MVP: variants seen among roughly 807,000 people sequenced by gnomAD.
MVP encodes lung resistance-related protein.
A neutral mutation model predicts 83.5 loss-of-function variants in MVP; 62 were observed. The observed-to-expected ratio is 0.74, with a 90% CI of 0.61 to 0.92. The LOEUF is 0.92. Ranked by LOEUF, MVP falls within the 40% of genes least tolerant of loss-of-function variation. The probability of loss-of-function intolerance (pLI) is 0.00; values close to 1 mark genes in which losing one functional copy is unlikely to be tolerated. For missense variants in MVP, 1,000 were observed against 1,203.4 expected (o/e 0.83, Z 2.50); for synonymous variants, 505 against 504.1 (o/e 1.00, Z -0.02).
Position 29,848,021 on chromosome 16 carries a change from A to T in MVP, c.*32A>T, listed in dbSNP as rs184277227. On this transcript the variant is annotated 3_prime_UTR_variant, in exon 15 of 15. Transcript: ENST00000357402. ...ATTAATACAATGGAAGTTTCTGGGCATTTACAATTTCAACACTTTTCTCTT... is the reference window on the plus strand; with the variant it reads ...ATTAATACAATGGAAGTTTCTGGGCTTTTACAATTTCAACACTTTTCTCTT... 3.8e-6 allele frequency: 6 copies of T among 1,595,440 alleles called. No homozygotes were observed. The African/African-American group carries it at 6.7e-5, about 18-fold the overall frequency.
At chr16:29,829,606 T>C (rs2067427342) in intron 1 of MVP, 1 of 152,236 alleles carries the variant, frequency 6.6e-6, no homozygotes, top group Non-Finnish European at 1.5e-5. Flanking sequence ...AGGTAGGGCA[T>C]GTGACATTCC....
rs1429565226 is a variant in MVP at position 29,846,290 on chromosome 16, TG to T, written c.2265+12del. On this transcript the variant is annotated splice_region_variant and intron_variant, in intron 13 of 14. Transcript: ENST00000357402. ...AGGCCTTGGCCATTGAAACGGTGAGTGGGGGGAGGCATTAAGAAGAGGGTGG... is the reference window on the plus strand; with the variant it reads ...AGGCCTTGGCCATTGAAACGGTGAGTGGGGGAGGCATTAAGAAGAGGGTGG... 5.1e-6 allele frequency: 8 copies of T among 1,554,854 alleles called. No homozygotes were observed. Among genetic ancestry groups the T allele is most frequent in the Admixed American group, 2.0e-5 (1 of 51,250 alleles).
At chr16:29,824,602 C>T (rs1392909565) in intron 1 of MVP, among the ~76,000 whole-genome samples, 3 of 152,108 alleles carry the variant, frequency 2.0e-5, no homozygotes, top group Non-Finnish European at 2.9e-5. Flanking sequence ...TACTAAAATA[C>T]AAAAAATTAG....
chr16:29,837,096 A>G (rs13331733), intron 7 of MVP, 138 bp downstream of exon 7: 103,604 of 743,116 alleles, frequency 0.14, 8,159 homozygotes, highest in African/African-American at 0.24. Context: ...GTTCTTACAC[A>G]CCTGAGACAC....
intron 4 of MVP, 22 bp downstream of exon 4, chr16:29,833,878 C>G: frequency 6.2e-7 from 1 of 1,614,118 alleles, no homozygotes; most frequent in Non-Finnish European, 8.5e-7. Context: ...CTCCATAGGG[C>G]TCCCTGCCTT....
At chr16:29,824,496 G>A (rs1250914938) in intron 1 of MVP, among the ~76,000 whole-genome samples, 5 of 152,092 alleles carry the variant, frequency 3.3e-5, no homozygotes, top group Admixed American at 2.0e-4. Context: ...CAGGTGTGGT[G>A]GTTCACGCCT....
intron 7 of MVP, among the ~76,000 whole-genome samples, chr16:29,838,443 A>AG (rs1286513169): frequency 6.6e-6 from 1 of 152,106 alleles, no homozygotes; most frequent in Non-Finnish European, 1.5e-5. Context: ...CAAAAAAAAA[A>AG]AAAAATTAGA....
intron 11 of MVP, 108 bp from the exon 12 acceptor site, chr16:29,845,755 G>C: frequency 1.1e-6 from 1 of 869,644 alleles, no homozygotes; most frequent in Non-Finnish European, 1.8e-6. Flanking sequence ...CCTTCTAGGG[G>C]CTGGGGTCTG....
intron 1 of MVP, among the ~76,000 whole-genome samples, chr16:29,825,235 G>A (rs1208218664): frequency 2.0e-5 from 3 of 152,208 alleles, no homozygotes; most frequent in Non-Finnish European, 4.4e-5. Flanking sequence ...TACACTGAGA[G>A]CCGACTAGGG....
chr16:29,842,298 G>T (rs1392952927), intron 10 of MVP, among the ~76,000 whole-genome samples, 186 bp downstream of exon 10: 1 of 151,868 alleles, frequency 6.6e-6, no homozygotes, highest in Non-Finnish European at 1.5e-5. Context: ...TAGTTTTTTG[G>T]TTTTTTGGTT....
intron 7 of MVP, among the ~76,000 whole-genome samples, chr16:29,837,606 T>A (rs1443291575): frequency 6.6e-6 from 1 of 151,998 alleles, no homozygotes; most frequent in South Asian, 2.1e-4. Context: ...ATACAAAAAT[T>A]AGCCAGGTGT....
At chr16:29,825,075 G>C (rs1009372287) in intron 1 of MVP, among the ~76,000 whole-genome samples, 1 of 152,084 alleles carries the variant, frequency 6.6e-6, no homozygotes, top group African/African-American at 2.4e-5. Context: ...CAATGAACCT[G>C]GTTTCTGCTT....
At chr16:29,834,696 T>G (rs2067470877) in intron 5 of MVP, 1 of 151,968 alleles carries the variant, frequency 6.6e-6, no homozygotes, top group East Asian at 1.9e-4. Context: ...TTTTTTTTTT[T>G]TGAGACGGAG....
intron 6 of MVP, among the ~76,000 whole-genome samples, chr16:29,836,469 CAGG>C (rs2067487773): frequency 6.8e-6 from 1 of 147,392 alleles, no homozygotes. Flanking sequence ...CAGCTGTACT[CAGG>C]AGGCTGAGGC....
intron 8 of MVP, among the ~76,000 whole-genome samples, chr16:29,840,929 ACT>A (rs1236957457): frequency 1.3e-5 from 2 of 151,756 alleles, no homozygotes; most frequent in Non-Finnish European, 2.9e-5. Context: ...ACAGAGTGAG[ACT>A]CTGTCAAAAA....
intron 6 of MVP, 61 bp from the exon 7 acceptor site, chr16:29,836,661 G>T (rs2067489573): frequency 4.7e-5 from 65 of 1,388,036 alleles, no homozygotes; most frequent in South Asian, 1.6e-4. Flanking sequence ...GGCCAATGGG[G>T]CTCGCAGATC....
intron 12 of MVP, 51 bp from the exon 13 acceptor site, chr16:29,846,106 TG>T (rs2067582901): frequency 6.2e-7 from 1 of 1,600,426 alleles, no homozygotes; most frequent in Non-Finnish European, 8.5e-7. Context: ...GCCAAGGCCG[TG>T]GGGGGACTGG....
downstream of MVP, chr16:29,848,030 T>C: frequency 6.3e-7 from 1 of 1,579,960 alleles, no homozygotes; most frequent in Non-Finnish European, 8.6e-7. Flanking sequence ...CATTTACAAT[T>C]TCAACACTTT....
intron 1 of MVP, among the ~76,000 whole-genome samples, chr16:29,829,204 C>T (rs912324836): frequency 1.8e-4 from 27 of 151,282 alleles, no homozygotes; most frequent in African/African-American, 4.6e-4. Context: ...GGCTCCTCAT[C>T]GGCCAGGTGT....
Sources: gnomAD v4.1 joint callset for allele counts (sites outside exome capture counted in the v4.1 genomes callset) on GRCh38, gnomAD v4.1.1 for gene constraint, MANE v1.5 for transcripts, NCBI Gene and HGNC (gene_info 2026-07-23, HGNC 2026-07-21) for gene names.